Variants in BCO2 observed in about 807,000 individuals in gnomAD.
BCO2 encodes the protein beta-carotene oxygenase 2, also known as carotenoid-cleaving dioxygenase, mitochondrial.
A neutral mutation model predicts 65.8 loss-of-function variants in BCO2; 56 were observed. That is an observed-to-expected ratio of 0.85 (90% CI 0.69 to 1.06). The LOEUF is 1.06. Among genes scored for constraint, BCO2 ranks in the 50% least tolerant of loss-of-function variants. BCO2 has a pLI of 0.00. For missense variants in BCO2, 675 were observed against 698.5 expected (o/e 0.97, Z 0.38); for synonymous variants, 233 against 242.3 (o/e 0.96, Z 0.36).
Position 112,209,652 on chromosome 11 carries a change from T to A in BCO2, c.1195-4072T>A, listed in dbSNP as rs192202962. 5.9e-5 allele frequency among the ~76,000 whole-genome samples: 9 copies of A among 152,322 alleles called. 1 individual carries two copies. In the East Asian group the frequency reaches 1.2e-3, roughly 20 times the overall value. On this transcript the variant is annotated intron_variant, in intron 8 of 11. Coordinates refer to ENST00000357685, the MANE Select transcript of BCO2 (RefSeq NM_031938.7). ...TGAATGGATGTTGGACTTTATCAAC[T>A]GTTTTTTTTCTGCACTATTGAGATA...
At chr11:112,183,573 T>C (rs1308787301) in intron 2 of BCO2, among the ~76,000 whole-genome samples, 1 of 152,232 alleles carries the variant, frequency 6.6e-6, no homozygotes, top group East Asian at 1.9e-4. Context: ...AAGCACAACA[T>C]ATGCAATTAT....
chr11:112,199,940 A>C lies in BCO2; in HGVS notation c.865+113A>C. ...AGTTTATCACGCTATGGTGATAATG[A>C]GACCAAGGTTGCATTTTGATGCCAG... On this transcript the variant is annotated intron_variant, in intron 6 of 11. Transcript: ENST00000357685. The C allele has an allele frequency of 2.3e-6, 3 of 1,296,610 alleles. No homozygotes were observed. The South Asian group carries it at 4.5e-5, about 20-fold the overall frequency. 80.3% of individuals were successfully genotyped at this position (1,296,610 alleles called of 1,614,324 possible).
chr11:112,218,097 A>T lies in BCO2; in HGVS notation c.*223A>T. ...ATATACTCATGTAACAAGCCTGCAC[A>T]TGTACCCCAGAATCTAAAATAAAAA... On this transcript the variant is annotated 3_prime_UTR_variant, in exon 12 of 12. Coordinates refer to ENST00000357685, the MANE Select transcript of BCO2 (RefSeq NM_031938.7). 1 of 414,152 alleles carries T rather than the reference A, an allele frequency of 2.4e-6. No homozygotes were observed. Among genetic ancestry groups the T allele is most frequent in the South Asian group, 5.9e-5 (1 of 16,822 alleles). The allele number at this position is 414,152 out of a possible 1,614,324, so 25.7% of individuals were successfully genotyped here.
chr11:112,189,686 G>A (rs1361743951), intron 2 of BCO2, among the ~76,000 whole-genome samples: 2 of 152,110 alleles, frequency 1.3e-5, no homozygotes, highest in Non-Finnish European at 2.9e-5. Flanking sequence ...ACAGGCGTAA[G>A]CCACAGCACC....
intron 7 of BCO2, 22 bp from the exon 8 acceptor site, chr11:112,202,001 T>C (rs372138539): frequency 6.5e-7 from 1 of 1,531,802 alleles, no homozygotes; most frequent in African/African-American, 1.4e-5. Context: ...ATTTTTTTCA[T>C]TGTTTGTGTT....
At chr11:112,200,846 TA>T (rs113176381) in intron 7 of BCO2, 73 bp downstream of exon 7, 46 of 1,523,770 alleles carry the variant, frequency 3.0e-5, no homozygotes, top group African/African-American at 7.0e-5. Context: ...GTTGATTTTT[TA>T]AAAATCTTCC....
At position 112,200,848 on chromosome 11, in the gene BCO2, A is replaced by ATTT. The variant is rs1566788283; in HGVS notation, c.1026+75_1026+76insTTT. Reference sequence around the variant, plus strand: ...AAATTTCCATATAGTTGATTTTTTAAAAATCTTCCCTGGTTAAAAGTGCAT... The same window carrying ATTT: ...AAATTTCCATATAGTTGATTTTTTAATTTAAATCTTCCCTGGTTAAAAGTGCAT... On this transcript the variant is annotated intron_variant, in intron 7 of 11. Transcript: ENST00000357685. 185 of 1,541,190 alleles carry ATTT rather than the reference A, an allele frequency of 1.2e-4. 1 individual carries two copies. The African/African-American group carries it at 2.5e-3, about 21-fold the overall frequency.
intron 1 of BCO2, among the ~76,000 whole-genome samples, chr11:112,177,898 A>C (rs927650481): frequency 1.5e-4 from 20 of 134,446 alleles, no homozygotes; most frequent in Non-Finnish European, 2.8e-4. Context: ...TTGACCAATT[A>C]ATGGAATTTG....
At position 112,213,749 on chromosome 11, in the gene BCO2, T is replaced by G. The variant is rs143776374; in HGVS notation, c.1220T>G (p.Phe407Cys). 6 of 1,613,418 alleles carry G rather than the reference T, an allele frequency of 3.7e-6. No individual in the cohort carries two copies. In the African/African-American group the frequency reaches 8.0e-5, roughly 22 times the overall value. ...GTCCATAATTCAGCAGCCAAATCTT[T>G]CCCTCGAAGGTTTGTTTTGCCTTTA... ...DQVHNSAAKSFPRRFVLPLNV... is the reference protein window; with the variant it reads ...DQVHNSAAKSCPRRFVLPLNV... Residue 407 changes from phenylalanine (F) to cysteine (C), a missense_variant, in exon 9 of 12, where the codon TTC (phenylalanine) becomes TGC (cysteine). Physicochemically the swap from Phe to Cys is radical, Grantham distance 205. Transcript: ENST00000357685.
intron 1 of BCO2, among the ~76,000 whole-genome samples, chr11:112,177,618 T>A (rs1866919595): frequency 6.6e-6 from 1 of 152,208 alleles, no homozygotes; most frequent in Non-Finnish European, 1.5e-5. Flanking sequence ...ATAATAGCAT[T>A]TTTTGAGTAT....
intron 2 of BCO2, 107 bp downstream of exon 2, chr11:112,179,589 C>G: frequency 9.8e-7 from 1 of 1,020,346 alleles, no homozygotes; most frequent in Non-Finnish European, 1.5e-6. Flanking sequence ...TCCATTCCAT[C>G]CCTTTGATTA....
chr11:112,200,823 A>G (rs1318493524), intron 7 of BCO2, 50 bp downstream of exon 7: 1 of 1,583,940 alleles, frequency 6.3e-7, no homozygotes, highest in Non-Finnish European at 8.6e-7. Flanking sequence ...AAACAAAGGC[A>G]AATTTCCATA....
Position 112,193,756 on chromosome 11 carries a change from C to A in BCO2, c.517+59C>A, listed in dbSNP as rs1281326101. 3.2e-6 allele frequency: 5 copies of A among 1,564,794 alleles called. No homozygotes were observed. The African/African-American group carries it at 4.1e-5, about 13-fold the overall frequency. ...TATAACCATCTATACAAACATAAAT[C>A]TTGAAAATAGATTTTTTTGTGTATG... is the stretch of plus-strand genomic sequence containing the variant. On this transcript the variant is annotated intron_variant, in intron 3 of 11. Transcript: ENST00000357685.
At chr11:112,205,166 C>A (rs931276753) in intron 8 of BCO2, among the ~76,000 whole-genome samples, 3 of 152,110 alleles carry the variant, frequency 2.0e-5, no homozygotes, top group African/African-American at 7.2e-5. Context: ...GGGGTTGGCA[C>A]CTCTACCCCA....
rs2135347594 is a variant in BCO2, at chr11:112,181,107, C to T, written c.293+1625C>T. The T allele has an allele frequency of 3.4e-6, 5 of 1,480,156 alleles. No individual in the cohort carries two copies. In the East Asian group the frequency reaches 1.1e-4, roughly 33 times the overall value. The allele number at this position is 1,480,156 out of a possible 1,614,324, so 91.7% of individuals were successfully genotyped here. ...CGGAGCACTTTAGTGAATAAAGAAC[C>T]TGACAGTATGCTGGCCCACATGTTT... On this transcript the variant is annotated intron_variant, in intron 2 of 11. Coordinates refer to ENST00000357685, the MANE Select transcript of BCO2 (RefSeq NM_031938.7).
chr11:112,217,875 TG>T lies in BCO2; in HGVS notation c.*4del. On this transcript the variant is annotated 3_prime_UTR_variant, in exon 12 of 12. Transcript: ENST00000357685. ...CCATGGTACCTTCATACCCATCTGA[TG>T]GGACAACCACAAGGTCTGGAAACTA... The T allele has an allele frequency of 6.3e-7, 1 of 1,594,266 alleles. No homozygotes were observed. Among genetic ancestry groups the T allele is most frequent in the Non-Finnish European group, 8.6e-7 (1 of 1,164,574 alleles).
intron 6 of BCO2, 31 bp from the exon 7 acceptor site, chr11:112,200,582 A>G: frequency 1.3e-6 from 2 of 1,577,606 alleles, no homozygotes; most frequent in East Asian, 2.3e-5. Context: ...TTTGCCAAAT[A>G]ACATTTTTAT....
chr11:112,182,864 C>G, intron 2 of BCO2: 2 of 1,042,484 alleles, frequency 1.9e-6, no homozygotes, highest in Non-Finnish European at 2.9e-6. Flanking sequence ...AAAAGATGCT[C>G]TGTTCTAATG....
At chr11:112,181,783 G>A (rs138223383) in intron 2 of BCO2, 6 of 836,962 alleles carry the variant, frequency 7.2e-6, no homozygotes, top group Middle Eastern at 3.5e-4. Context: ...TTGGACCTTC[G>A]ATACATTCAC....
Sources: allele counts gnomAD v4.1 joint callset (sites outside exome capture counted in the v4.1 genomes callset), GRCh38; gene constraint gnomAD v4.1.1; transcripts MANE v1.5; gene names NCBI Gene and HGNC (gene_info 2026-07-23, HGNC 2026-07-21).